WDR35: variants seen among roughly 807,000 people sequenced by gnomAD.
WDR35 encodes the protein WD repeat domain 35.
WDR35 carries 118 observed loss-of-function variants against 158.3 expected under a neutral mutation model. The observed-to-expected ratio is 0.75, with a 90% CI of 0.64 to 0.87. WDR35 has a LOEUF of 0.87. Ranked by LOEUF, WDR35 falls within the 40% of genes least tolerant of loss-of-function variation. The pLI is 0.00. For synonymous variants in WDR35, 448 were observed against 476.1 expected (o/e 0.94, Z 0.77); for missense variants, 1,263 against 1,405.8 (o/e 0.90, Z 1.62).
chr2:19,925,070 T>C lies in WDR35; in HGVS notation c.3121+5326A>G, dbSNP rs1429430967. Among the ~76,000 whole-genome samples, 5 of 152,218 alleles carry C rather than the reference T, an allele frequency of 3.3e-5. No individual in the cohort carries two copies. In the East Asian group the frequency reaches 5.8e-4, roughly 18 times the overall value. On this transcript the variant is annotated intron_variant, in intron 25 of 26. Coordinates refer to ENST00000281405, the MANE Select transcript of WDR35 (RefSeq NM_020779.4). ...CATTCCCTCACCCCTGTACAATGTC[T>C]GTTCCCCGCCACAGCCAGTAGTGCC...
chr2:19,989,997 T>C lies in WDR35; in HGVS notation c.19A>G (p.Lys7Glu). The C allele has an allele frequency of 6.2e-7, 1 of 1,614,024 alleles. No individual in the cohort carries two copies. Among genetic ancestry groups the C allele is most frequent in the Non-Finnish European group, 8.5e-7 (1 of 1,179,972 alleles). MFFYLS[K>E]KISIPNNVKL... Reference sequence around the variant, plus strand: ...ACGCCCCCCAGGAAACTCACTTTCTTGCTCAGGTAGAAGAACATCGTGGGA... The same window carrying C: ...ACGCCCCCCAGGAAACTCACTTTCTCGCTCAGGTAGAAGAACATCGTGGGA... The change falls in exon 1 of 27, where the codon AAG becomes GAG. Residue 7 changes from lysine to glutamate, a missense_variant. Coordinates refer to ENST00000281405, the MANE Select transcript of WDR35 (RefSeq NM_020779.4).
intron 10 of WDR35, among the ~76,000 whole-genome samples, chr2:19,964,379 T>TTA (rs1179428559): frequency 8.3e-6 from 1 of 121,036 alleles, no homozygotes; most frequent in Non-Finnish European, 1.7e-5. Context: ...TTCTTTTCTT[T>TTA]TCTTTTTTTT....
intron 17 of WDR35, among the ~76,000 whole-genome samples, chr2:19,939,183 G>A (rs559402194): frequency 1.3e-5 from 2 of 152,116 alleles, no homozygotes; most frequent in South Asian, 2.1e-4. Context: ...AAGAACTTAC[G>A]TAAGGAGAAA....
intron 5 of WDR35, 134 bp downstream of exon 5, chr2:19,978,617 G>T: frequency 7.5e-7 from 1 of 1,330,772 alleles, no homozygotes; most frequent in Non-Finnish European, 1.0e-6. Flanking sequence ...TCGTCAAATT[G>T]TATATCAAAT....
chr2:19,967,517 A>T (rs957953076), intron 9 of WDR35, among the ~76,000 whole-genome samples: 1 of 152,084 alleles, frequency 6.6e-6, no homozygotes, highest in African/African-American at 2.4e-5. Context: ...GAACTTACAC[A>T]CTTACAGCTT....
Position 19,933,356 on chromosome 2 carries a change from T to C in WDR35, c.2658+45A>G, listed in dbSNP as rs373950580. ...CTTTAACCTTGCTTTGACTTAAAAA[T>C]TCCTAAGACAATAAGCTGCACAGAC... On this transcript the variant is annotated intron_variant, in intron 22 of 26. Coordinates refer to ENST00000281405, the MANE Select transcript of WDR35 (RefSeq NM_020779.4). 1.5e-5 allele frequency: 23 copies of C among 1,532,514 alleles called. No individual in the cohort carries two copies. The African/African-American group carries it at 3.1e-4, about 21-fold the overall frequency. The allele number at this position is 1,532,514 out of a possible 1,614,324, so 94.9% of individuals were successfully genotyped here. A position where few individuals can be genotyped will look rare whatever the true frequency, so the allele number is the denominator to read the frequency against.
intron 25 of WDR35, among the ~76,000 whole-genome samples, chr2:19,928,843 G>C (rs982501990): frequency 4.0e-5 from 6 of 149,098 alleles, no homozygotes; most frequent in African/African-American, 1.5e-4. Flanking sequence ...GTCTCGCTCT[G>C]TCACCCAGGC....
In WDR35 at chr2:19,914,099, T is replaced by G; in HGVS notation, c.3300A>C (p.Glu1100Asp). The G allele has an allele frequency of 6.2e-7, 1 of 1,614,194 alleles. No homozygotes were observed. The highest frequency in any genetic ancestry group is 8.5e-7 in the Non-Finnish European group (1 of 1,180,016). ...QKQQYEDLAL[E>D]IFTKHTSKDN... Reference sequence around the variant, plus strand: ...CTTTTGAAGTATGTTTGGTGAAGATTTCTAAAGCAAGGTCTTCATACTGCT... The same window carrying G: ...CTTTTGAAGTATGTTTGGTGAAGATGTCTAAAGCAAGGTCTTCATACTGCT... Residue 1100 changes from glutamate to aspartate, a missense_variant, in exon 26 of 27, where the codon GAA (glutamate) becomes GAC (aspartate). Coordinates refer to ENST00000281405, the MANE Select transcript of WDR35 (RefSeq NM_020779.4).
Position 19,976,995 on chromosome 2 carries a change from G to GT in WDR35, c.437-1333dup, listed in dbSNP as rs149009916. Among the ~76,000 whole-genome samples, 173 of 147,920 alleles carry GT rather than the reference G, an allele frequency of 1.2e-3. 1 individual carries two copies. In the East Asian group the frequency reaches 0.015, roughly 13 times the overall value. ...CCACCACGCCCAGATAATTTGTTTT[G>GT]TTTTTTTTTTATTTTTAGCACAGAC... is the stretch of plus-strand genomic sequence containing the variant. On this transcript the variant is annotated intron_variant, in intron 5 of 26. Coordinates refer to ENST00000281405, the MANE Select transcript of WDR35 (RefSeq NM_020779.4).
chr2:19,924,831 C>T (rs914711399), intron 25 of WDR35, among the ~76,000 whole-genome samples: 1 of 152,000 alleles, frequency 6.6e-6, no homozygotes, highest in Non-Finnish European at 1.5e-5. Context: ...CATGGTCATA[C>T]TAAAAAAGAA....
intron 11 of WDR35, among the ~76,000 whole-genome samples, chr2:19,959,494 A>G (rs1356875104): frequency 1.3e-5 from 2 of 152,048 alleles, no homozygotes; most frequent in Non-Finnish European, 1.5e-5. Context: ...ATAAATATAT[A>G]CACATATAAA....
chr2:19,931,358 G>A lies in WDR35; in HGVS notation c.2875C>T (p.Leu959Phe), dbSNP rs754535654. The part of the protein sequence containing the change: ...KGSKPLRVKK[L>F]YVLSALLIEQ... ...ATAAGTAAGGCTGACAGTACATAGA[G>A]CTTCTTGACACGTAAAGGTTTACTT... Residue 959 changes from leucine (L) to phenylalanine (F), a missense_variant, in exon 24 of 27, where the codon CTC becomes TTC. Leu to Phe is a conservative substitution (Grantham distance 22). Coordinates refer to ENST00000281405, the MANE Select transcript of WDR35 (RefSeq NM_020779.4). The A allele has an allele frequency of 2.4e-5, 38 of 1,613,248 alleles. No homozygotes were observed. The highest frequency in any genetic ancestry group is 3.0e-5 in the Non-Finnish European group (35 of 1,179,706).
chr2:19,914,485 G>T (rs1399947462), intron 25 of WDR35, among the ~76,000 whole-genome samples: 1 of 152,176 alleles, frequency 6.6e-6, no homozygotes, highest in African/African-American at 2.4e-5. Context: ...CTCATCCTAT[G>T]AAAAGAACCA....
At chr2:19,967,270 G>A (rs755574533) in intron 9 of WDR35, among the ~76,000 whole-genome samples, 12 of 152,074 alleles carry the variant, frequency 7.9e-5, no homozygotes, top group East Asian at 1.9e-4. Context: ...TCTCCAAGTC[G>A]AAATTCAAAA....
chr2:19,933,895 G>A lies in WDR35; in HGVS notation c.2548-384C>T, dbSNP rs534994306. ...GCTAATTATTAACTAGAGACTTAAGGGAAATCTCACATTCACAGAGCCCTC... is the reference window on the plus strand; with the variant it reads ...GCTAATTATTAACTAGAGACTTAAGAGAAATCTCACATTCACAGAGCCCTC... On this transcript the variant is annotated intron_variant, in intron 21 of 26. Coordinates refer to ENST00000281405, the MANE Select transcript of WDR35 (RefSeq NM_020779.4). 9.9e-5 allele frequency among the ~76,000 whole-genome samples: 15 copies of A among 152,178 alleles called. 1 individual carries two copies. In the South Asian group the frequency reaches 3.1e-3, roughly 32 times the overall value.
At chr2:19,980,187 A>G (rs1252139993) in intron 4 of WDR35, among the ~76,000 whole-genome samples, 1 of 152,214 alleles carries the variant, frequency 6.6e-6, no homozygotes, top group Admixed American at 6.5e-5. Context: ...CTAGCCACTC[A>G]TTTATTCATT....
At chr2:19,963,668 T>C (rs1362716903) in intron 10 of WDR35, among the ~76,000 whole-genome samples, 1 of 152,190 alleles carries the variant, frequency 6.6e-6, no homozygotes, top group East Asian at 1.9e-4. Flanking sequence ...ATAGGGAAGC[T>C]TGGAAGGGAA....
At chr2:19,988,641 C>A (rs917467492) in intron 2 of WDR35, among the ~76,000 whole-genome samples, 1 of 152,076 alleles carries the variant, frequency 6.6e-6, no homozygotes, top group African/African-American at 2.4e-5. Flanking sequence ...TCTAGGGGGG[C>A]TAAGAAGTGG....
intron 25 of WDR35, among the ~76,000 whole-genome samples, chr2:19,927,535 T>G (rs140060920): frequency 2.7e-3 from 406 of 152,318 alleles, no homozygotes; most frequent in African/African-American, 9.1e-3. Flanking sequence ...CGGCAAGAGT[T>G]CCTATTATCT....
Sources: gnomAD v4.1 joint callset for allele counts (sites outside exome capture counted in the v4.1 genomes callset) on GRCh38, gnomAD v4.1.1 for gene constraint, MANE v1.5 for transcripts, NCBI Gene and HGNC (gene_info 2026-07-23, HGNC 2026-07-21) for gene names.